The following CNNM2 variants were observed in gnomAD, a reference collection of about 807,000 sequenced individuals.
CNNM2 encodes cyclin and CBS domain divalent metal cation transport mediator 2, also known as metal transporter CNNM2.
A neutral mutation model predicts 66.9 loss-of-function variants in CNNM2; 12 were observed. The observed-to-expected ratio is 0.18, with a 90% CI of 0.11 to 0.29. CNNM2 has a LOEUF of 0.29. Among genes scored for constraint, CNNM2 ranks in the 10% least tolerant of loss-of-function variants. The pLI is 1.00. For synonymous variants in CNNM2, 557 were observed against 501.8 expected, an observed-to-expected ratio of 1.11 and a Z score of -1.47; for missense variants, 705 against 1,167.7, an observed-to-expected ratio of 0.60 and a Z score of 5.77.
chr10:103,034,750 TCTC>T (rs562415341), intron 1 of CNNM2, among the ~76,000 whole-genome samples: 107 of 152,044 alleles, frequency 7.0e-4, no homozygotes, highest in African/African-American at 2.4e-3. Context: ...CTTTTAAAAA[TCTC>T]CTACTGATCG....
chr10:102,919,677 C>T lies in CNNM2; in HGVS notation c.1197C>T (p.Cys399=). The T allele has an allele frequency of 6.2e-7, 1 of 1,614,226 alleles. No individual in the cohort carries two copies. The highest frequency in any genetic ancestry group is 1.3e-5 in the African/African-American group (1 of 75,070). ...ACCCGGTCAGCAAGCTGCTGGACTG[C>T]GTCCTGGGCCAGGAGATAGGCACCG... ...ASYPVSKLLD[C]VLGQEIGTVY... Residue 399 remains cysteine, a synonymous_variant, in exon 1 of 8, where the codon TGC becomes TGT. Transcript: ENST00000369878.
intron 1 of CNNM2, among the ~76,000 whole-genome samples, chr10:103,019,618 TGTA>T (rs2064530849): frequency 6.6e-6 from 1 of 152,048 alleles, no homozygotes; most frequent in Admixed American, 6.6e-5. Context: ...CGTCTCACCA[TGTA>T]GCATTCTGTG....
At chr10:103,035,179 C>G (rs1436931866) in intron 1 of CNNM2, among the ~76,000 whole-genome samples, 1 of 152,060 alleles carries the variant, frequency 6.6e-6, no homozygotes, top group Non-Finnish European at 1.5e-5. Flanking sequence ...AAACGGACTA[C>G]TAAGTAGTCT....
chr10:102,925,296 C>CAAAAAAA lies in CNNM2; in HGVS notation c.1621+5219_1621+5225dup, dbSNP rs10624810. ...GGGCAACAAGAGCGAAACTCCATCT[C>CAAAAAAA]AAAAAAAAAAAAAAAAAAAAAAAAA... On this transcript the variant is annotated intron_variant, in intron 1 of 7. Coordinates refer to ENST00000369878, the MANE Select transcript of CNNM2 (RefSeq NM_017649.5). Among the ~76,000 whole-genome samples the CAAAAAAA allele has an allele frequency of 0.036, 641 of 17,748 alleles. 92 individuals are homozygous for CAAAAAAA. Among genetic ancestry groups the CAAAAAAA allele is most frequent in the South Asian group, 0.095 (22 of 232 alleles). The allele number at this position is 17,748 out of a possible 152,430, so 11.6% of individuals were successfully genotyped here. A position where few individuals can be genotyped will look rare whatever the true frequency, so the allele number is the denominator to read the frequency against.
At chr10:103,070,031 C>A (rs1471723805) in intron 5 of CNNM2, among the ~76,000 whole-genome samples, 1 of 152,212 alleles carries the variant, frequency 6.6e-6, no homozygotes, top group African/African-American at 2.4e-5. Context: ...GTCAAGAATT[C>A]TGTCGTATTT....
chr10:103,076,298 G>C (rs778188055), intron 7 of CNNM2, 28 bp downstream of exon 7: 1 of 1,548,706 alleles, frequency 6.5e-7, no homozygotes, highest in Non-Finnish European at 8.7e-7. Context: ...AGTGTGGCTG[G>C]ACCTGGCAGT....
chr10:102,945,842 C>T (rs1053525386), intron 1 of CNNM2, among the ~76,000 whole-genome samples: 55 of 151,916 alleles, frequency 3.6e-4, no homozygotes, highest in Admixed American at 3.4e-3. Context: ...TTTCTTCTCG[C>T]AGGATGATGA....
At chr10:102,935,313 G>T (rs1315588899) in intron 1 of CNNM2, among the ~76,000 whole-genome samples, 1 of 151,662 alleles carries the variant, frequency 6.6e-6, no homozygotes, top group Admixed American at 6.6e-5. Context: ...AAAATAAAAA[G>T]AAAATGGGTG....
intron 1 of CNNM2, among the ~76,000 whole-genome samples, chr10:102,973,279 A>G (rs2063573433): frequency 6.6e-6 from 1 of 151,582 alleles, no homozygotes; most frequent in Admixed American, 6.6e-5. Flanking sequence ...GCTATATGCA[A>G]TAACTTTTTT....
Position 102,919,852 on chromosome 10 carries a change from A to T in CNNM2, c.1372A>T (p.Met458Leu). The T allele has an allele frequency of 1.2e-6, 2 of 1,614,200 alleles. No individual in the cohort carries two copies. Among genetic ancestry groups the T allele is most frequent in the Non-Finnish European group, 1.7e-6 (2 of 1,180,042 alleles). ...DVMTPLRDCF[M>L]ITGEAILDFN... is the part of the protein sequence containing the mutation. ...GATGACCCCACTCCGGGACTGCTTC[A>T]TGATCACCGGCGAAGCCATCCTGGA... Residue 458 changes from methionine to leucine, a missense_variant, in exon 1 of 8, where the codon ATG becomes TTG. This residue lies in a region of CNNM2 where 171 missense variants were observed against 304.8 expected (regional missense o/e 0.56). Transcript: ENST00000369878.
intron 1 of CNNM2, among the ~76,000 whole-genome samples, chr10:102,958,093 C>T (rs1376770862): frequency 6.6e-6 from 1 of 152,096 alleles, no homozygotes; most frequent in South Asian, 2.1e-4. Flanking sequence ...TGTGCCACCA[C>T]ACCCGGCTAA....
At chr10:102,927,631 G>T in intron 1 of CNNM2, 1 of 507,616 alleles carries the variant, frequency 2.0e-6, no homozygotes, top group Non-Finnish European at 3.3e-6. Context: ...TGTGCGTGGT[G>T]GTGGGTGCTT....
chr10:103,025,984 T>C (rs998527325), intron 1 of CNNM2, among the ~76,000 whole-genome samples: 1 of 152,188 alleles, frequency 6.6e-6, no homozygotes, highest in Non-Finnish European at 1.5e-5. Context: ...CGTGAATGGA[T>C]TGGTGTCATT....
At chr10:102,921,582 C>T (rs1251641436) in intron 1 of CNNM2, among the ~76,000 whole-genome samples, 1 of 152,186 alleles carries the variant, frequency 6.6e-6, no homozygotes, top group Non-Finnish European at 1.5e-5. Context: ...TGTCCAGTAT[C>T]TCTAGGTGAC....
In CNNM2 at chr10:103,080,439, C is replaced by G. The variant is rs1041596167; in HGVS notation, c.*3259C>G. The G allele has an allele frequency of 2.0e-5, 3 of 152,212 alleles. No individual in the cohort carries two copies. The highest frequency in any genetic ancestry group is 7.2e-5 in the African/African-American group (3 of 41,456). The allele number at this position is 152,212 out of a possible 1,614,324, so 9.4% of individuals were successfully genotyped here. On this transcript the variant is annotated 3_prime_UTR_variant, in exon 8 of 8. Coordinates refer to ENST00000369878, the MANE Select transcript of CNNM2 (RefSeq NM_017649.5). ...TAGGAAAACAAAATCTTAAGACTTA[C>G]ACAGATATCGGGGTGCTAATCAACT...
chr10:103,047,961 G>A lies in CNNM2; in HGVS notation c.1622-1746G>A, dbSNP rs1315973310. On this transcript the variant is annotated intron_variant, in intron 1 of 7. Transcript: ENST00000369878. Reference sequence around the variant, plus strand: ...TTGTTGAGACAGAGTCTCACTTGTTGCCCAGGCTGGAGTGTAATGGCACGA... The same window carrying A: ...TTGTTGAGACAGAGTCTCACTTGTTACCCAGGCTGGAGTGTAATGGCACGA... 2.0e-5 allele frequency among the ~76,000 whole-genome samples: 3 copies of A among 151,688 alleles called. No individual in the cohort carries two copies. In the East Asian group the frequency reaches 5.8e-4, roughly 29 times the overall value.
At chr10:102,969,237 G>A (rs183280979) in intron 1 of CNNM2, among the ~76,000 whole-genome samples, 28 of 150,814 alleles carry the variant, frequency 1.9e-4, no homozygotes, top group South Asian at 6.3e-4. Flanking sequence ...TTTTTGAGGC[G>A]GAGTCTCGCC....
intron 1 of CNNM2, among the ~76,000 whole-genome samples, chr10:102,934,098 C>T (rs1846150412): frequency 6.6e-6 from 1 of 151,520 alleles, no homozygotes; most frequent in East Asian, 1.9e-4. Context: ...ACTGCCTCAG[C>T]CTCCCAAAAC....
At chr10:103,067,857 C>T (rs2065507031) in intron 4 of CNNM2, among the ~76,000 whole-genome samples, 1 of 152,182 alleles carries the variant, frequency 6.6e-6, no homozygotes, top group African/African-American at 2.4e-5. Context: ...CTTCAAACTG[C>T]TTTTCCAAGA....
Sources: allele counts gnomAD v4.1 joint callset (sites outside exome capture counted in the v4.1 genomes callset), GRCh38; gene constraint gnomAD v4.1.1; regional missense constraint gnomAD v4.1.1; transcripts MANE v1.5; gene names NCBI Gene and HGNC (gene_info 2026-07-23, HGNC 2026-07-21).